TMPRSS11D: variants seen among roughly 807,000 people sequenced by gnomAD.
TMPRSS11D encodes the protein transmembrane protease serine 11D.
Under a neutral mutation model 44.4 loss-of-function variants are expected in TMPRSS11D, and 32 were observed. The observed-to-expected ratio is 0.72, with a 90% CI of 0.54 to 0.97. The LOEUF is 0.97. Ranked by LOEUF, TMPRSS11D falls within the 50% of genes least tolerant of loss-of-function variation. The pLI, the probability that TMPRSS11D is intolerant of heterozygous loss-of-function variation, is 0.00. For synonymous variants in TMPRSS11D, 179 were observed against 177.9 expected (o/e 1.01, Z -0.05); for missense variants, 446 against 502.6 (o/e 0.89, Z 1.08).
chr4:67,826,927 GCAAA>G (rs565642623), intron 8 of TMPRSS11D, among the ~76,000 whole-genome samples: 3 of 151,992 alleles, frequency 2.0e-5, no homozygotes, highest in Admixed American at 6.6e-5. Flanking sequence ...TAAAAAACAA[GCAAA>G]CAAACAAACA....
chr4:67,847,147 G>A (rs950113243), intron 3 of TMPRSS11D, among the ~76,000 whole-genome samples: 5 of 152,202 alleles, frequency 3.3e-5, no homozygotes, highest in East Asian at 3.9e-4. Flanking sequence ...CAGATGATCC[G>A]CCCACGTCGG....
chr4:67,860,346 G>T (rs1394368290), intron 1 of TMPRSS11D: 1 of 152,024 alleles, frequency 6.6e-6, no homozygotes, highest in Non-Finnish European at 1.5e-5. Flanking sequence ...ACTGACACTG[G>T]GGAAGTCACC....
chr4:67,883,876 G>T, intron 1 of TMPRSS11D, 50 bp downstream of exon 1: 1 of 1,502,980 alleles, frequency 6.7e-7, no homozygotes, highest in African/African-American at 1.4e-5. Flanking sequence ...TTCCCATACT[G>T]TAAGATATAG....
At chr4:67,823,570 C>CTAATACTAATACT in intron 9 of TMPRSS11D, among the ~76,000 whole-genome samples, 1 of 152,198 alleles carries the variant, frequency 6.6e-6, no homozygotes, top group South Asian at 2.1e-4. Context: ...ATAGTATAGT[C>CTAATACTAATACT]AGTACTAATA....
chr4:67,849,075 G>C (rs1405246971), intron 3 of TMPRSS11D, among the ~76,000 whole-genome samples: 1 of 152,144 alleles, frequency 6.6e-6, no homozygotes, highest in Non-Finnish European at 1.5e-5. Context: ...GAGGTGAATG[G>C]ATTTGAAGGA....
intron 2 of TMPRSS11D, 108 bp from the exon 3 acceptor site, chr4:67,854,294 T>C: frequency 3.5e-6 from 2 of 571,036 alleles, no homozygotes; most frequent in Non-Finnish European, 6.0e-6. Context: ...AAAATTTGCT[T>C]TCCTTGAAAG....
intron 3 of TMPRSS11D, among the ~76,000 whole-genome samples, chr4:67,848,887 T>C (rs906309780): frequency 2.0e-5 from 3 of 152,198 alleles, no homozygotes; most frequent in Non-Finnish European, 4.4e-5. Context: ...ATGGAAGTGT[T>C]TGAAGCAAGA....
chr4:67,846,427 T>C (rs1024880435), intron 3 of TMPRSS11D, among the ~76,000 whole-genome samples: 14 of 152,172 alleles, frequency 9.2e-5, no homozygotes, highest in Admixed American at 9.2e-4. Flanking sequence ...TTATAATTTT[T>C]GAACATTGTC....
chr4:67,832,899 A>C (rs1417045888), intron 7 of TMPRSS11D, among the ~76,000 whole-genome samples: 4 of 152,034 alleles, frequency 2.6e-5, no homozygotes, highest in African/African-American at 9.7e-5. Context: ...TTGGAAAAAA[A>C]ATAAAGCTTA....
At chr4:67,854,529 T>A (rs533636742) in intron 2 of TMPRSS11D, among the ~76,000 whole-genome samples, 376 of 152,294 alleles carry the variant, frequency 2.5e-3, no homozygotes, top group Non-Finnish European at 4.4e-3. Context: ...TGTAATATAC[T>A]ATTATTTATT....
intron 1 of TMPRSS11D, among the ~76,000 whole-genome samples, chr4:67,875,209 T>C (rs1719156709): frequency 6.6e-6 from 1 of 152,176 alleles, no homozygotes. Flanking sequence ...TCCTCAGAGC[T>C]TACGAAAGAT....
chr4:67,871,457 G>C (rs1224773029), intron 1 of TMPRSS11D, among the ~76,000 whole-genome samples: 1 of 152,140 alleles, frequency 6.6e-6, no homozygotes, highest in East Asian at 1.9e-4. Flanking sequence ...TGCTGAGTAG[G>C]GTTTCAAGAA....
intron 2 of TMPRSS11D, among the ~76,000 whole-genome samples, chr4:67,858,481 T>G (rs1335823080): frequency 1.3e-5 from 2 of 152,204 alleles, no homozygotes; most frequent in African/African-American, 4.8e-5. Context: ...AAGCAAAAAT[T>G]TAGCCATAAC....
intron 5 of TMPRSS11D, 34 bp from the exon 6 acceptor site, chr4:67,835,155 A>G: frequency 6.5e-7 from 1 of 1,547,730 alleles, no homozygotes; most frequent in Non-Finnish European, 8.9e-7. Context: ...GATAAATACA[A>G]TAAAGGCTGA....
chr4:67,866,276 G>A (rs1202035184), intron 1 of TMPRSS11D, among the ~76,000 whole-genome samples: 2 of 151,810 alleles, frequency 1.3e-5, no homozygotes, highest in Non-Finnish European at 2.9e-5. Context: ...TACAGAAAAG[G>A]TATTTGATAA....
At chr4:67,874,965 T>G (rs1398209810) in intron 1 of TMPRSS11D, among the ~76,000 whole-genome samples, 1 of 152,230 alleles carries the variant, frequency 6.6e-6, no homozygotes, top group Non-Finnish European at 1.5e-5. Context: ...TATTAGTTCT[T>G]TGAAATGTGC....
chr4:67,828,878 G>A (rs1717870860), intron 7 of TMPRSS11D, among the ~76,000 whole-genome samples: 1 of 152,040 alleles, frequency 6.6e-6, no homozygotes, highest in Admixed American at 6.6e-5. Flanking sequence ...TTTGCTTGTT[G>A]ACCTTCTAAA....
At chr4:67,833,810 G>C (rs1718006802) in intron 6 of TMPRSS11D, among the ~76,000 whole-genome samples, 1 of 152,108 alleles carries the variant, frequency 6.6e-6, no homozygotes, top group Admixed American at 6.6e-5. Flanking sequence ...GCTGATTCTT[G>C]GAACCACATC....
intron 3 of TMPRSS11D, among the ~76,000 whole-genome samples, chr4:67,852,065 G>A (rs1445083139): frequency 6.6e-6 from 1 of 152,150 alleles, no homozygotes; most frequent in East Asian, 1.9e-4. Context: ...AGTCTTCTGT[G>A]CCAACAGCAC....
Sources: gnomAD v4.1 joint callset for allele counts (sites outside exome capture counted in the v4.1 genomes callset) on GRCh38, gnomAD v4.1.1 for gene constraint, MANE v1.5 for transcripts, NCBI Gene and HGNC (gene_info 2026-07-23, HGNC 2026-07-21) for gene names.